Variants in PLXNA4 observed in about 807,000 individuals in gnomAD.
PLXNA4 encodes plexin-A4.
A neutral mutation model predicts 191.8 loss-of-function variants in PLXNA4; 44 were observed. That is an observed-to-expected ratio of 0.23 (90% confidence interval 0.18 to 0.29). The LOEUF (loss-of-function observed/expected upper bound fraction) is 0.29. Among genes scored for constraint, PLXNA4 ranks in the 10% least tolerant of loss-of-function variants. The pLI is 1.00. For missense variants in PLXNA4, 1,800 were observed against 2,488.8 expected, an observed-to-expected ratio of 0.72 and a Z score of 5.89; for synonymous variants, 1,082 against 1,009.5, an observed-to-expected ratio of 1.07 and a Z score of -1.36.
At chr7:132,207,922 T>G (rs2116887631) in intron 10 of PLXNA4, among the ~76,000 whole-genome samples, 1 of 152,364 alleles carries the variant, frequency 6.6e-6, no homozygotes, top group South Asian at 2.1e-4. Flanking sequence ...GTTATGAAAC[T>G]GGATTCAAGT....
At chr7:132,550,076 G>C (rs1424867668) in intron 1 of PLXNA4, among the ~76,000 whole-genome samples, 1 of 152,146 alleles carries the variant, frequency 6.6e-6, no homozygotes, top group African/African-American at 2.4e-5. Context: ...TGTTCTGTGG[G>C]TTCTATAAGG....
At chr7:132,220,172 AG>A (rs1366714899) in intron 9 of PLXNA4, among the ~76,000 whole-genome samples, 1 of 152,244 alleles carries the variant, frequency 6.6e-6, no homozygotes, top group Admixed American at 6.5e-5. Flanking sequence ...TTGAGTTCTG[AG>A]GACAATGACC....
At chr7:132,206,676 C>T (rs942468806) in intron 10 of PLXNA4, among the ~76,000 whole-genome samples, 1 of 152,068 alleles carries the variant, frequency 6.6e-6, no homozygotes, top group South Asian at 2.1e-4. Context: ...GAGGCTCTCT[C>T]TCCTGTGGAT....
rs2116734238 is a variant in PLXNA4, at chr7:132,179,977, ACAGT to A, written c.3640-60_3640-57del. ...GTGTGGGGACGCAGCAGCTTTGGCA[ACAGT>A]CCCAAGTTACCCATGAACTAGTGAC... On this transcript the variant is annotated intron_variant, in intron 19 of 31. Transcript: ENST00000321063. 6 of 1,534,840 alleles carry A rather than the reference ACAGT, an allele frequency of 3.9e-6. No homozygotes were observed. In the South Asian group the frequency reaches 7.2e-5, roughly 19 times the overall value.
chr7:132,337,336 A>T, intron 3 of PLXNA4, among the ~76,000 whole-genome samples: 1 of 152,234 alleles, frequency 6.6e-6, no homozygotes, highest in East Asian at 1.9e-4. Context: ...ATGTCCACAC[A>T]TGTCCCCTGG....
chr7:132,182,796 A>C (rs554218590), intron 16 of PLXNA4, among the ~76,000 whole-genome samples: 10 of 152,314 alleles, frequency 6.6e-5, no homozygotes, highest in African/African-American at 1.9e-4. Context: ...CTGGGGTGGC[A>C]CAGGACCACT....
At chr7:132,422,797 T>TA (rs1341260294) in intron 3 of PLXNA4, among the ~76,000 whole-genome samples, 1 of 152,130 alleles carries the variant, frequency 6.6e-6, no homozygotes, top group Admixed American at 6.5e-5. Flanking sequence ...ATAATATCCC[T>TA]ATAAAGGGGG....
intron 5 of PLXNA4, among the ~76,000 whole-genome samples, chr7:132,234,299 G>A (rs1365855971): frequency 6.6e-6 from 1 of 152,134 alleles, no homozygotes; most frequent in Non-Finnish European, 1.5e-5. Flanking sequence ...GTCCATTAAC[G>A]TCACCAAGTC....
At chr7:132,355,872 G>A (rs1402511469) in intron 3 of PLXNA4, among the ~76,000 whole-genome samples, 2 of 152,086 alleles carry the variant, frequency 1.3e-5, no homozygotes, top group Non-Finnish European at 2.9e-5. Context: ...AGTGTACGAG[G>A]AGGTAGGAAG....
At chr7:132,228,537 G>A (rs1305993798) in intron 5 of PLXNA4, 68 bp from the exon 6 acceptor site, 1 of 1,591,204 alleles carries the variant, frequency 6.3e-7, no homozygotes, top group African/African-American at 1.3e-5. Context: ...CGGATGCTGA[G>A]GTCAGGTGTT....
chr7:132,421,277 T>C (rs1287102746), intron 3 of PLXNA4, among the ~76,000 whole-genome samples: 2 of 152,200 alleles, frequency 1.3e-5, no homozygotes, highest in African/African-American at 2.4e-5. Flanking sequence ...AGAATGTCCT[T>C]CTTTTTAAAG....
chr7:132,164,399 G>A (rs897867333), intron 23 of PLXNA4, 111 bp from the exon 24 acceptor site: 3 of 1,448,610 alleles, frequency 2.1e-6, no homozygotes, highest in African/African-American at 2.8e-5. Flanking sequence ...CCCTGCACCT[G>A]CCCCCACCTG....
At chr7:132,603,868 T>A (rs1487037602) in intron 2 of PLXNA4, among the ~76,000 whole-genome samples, 1 of 151,036 alleles carries the variant, frequency 6.6e-6, no homozygotes, top group African/African-American at 2.4e-5. Flanking sequence ...CTTGAGCAAA[T>A]CACTTAATTT....
In PLXNA4 at chr7:132,298,217, C is replaced by A. The variant is rs1801176911; in HGVS notation, c.1377G>T (p.Arg459=). 6.2e-7 allele frequency: 1 copy of A among 1,612,312 alleles called. No individual in the cohort carries two copies. Among genetic ancestry groups the A allele is most frequent in the East Asian group, 2.2e-5 (1 of 44,858 alleles). Residue 459 remains arginine, a synonymous_variant, in exon 4 of 32, where the codon CGG becomes CGT. Coordinates refer to ENST00000321063, the MANE Select transcript of PLXNA4 (RefSeq NM_020911.2). ...GTKSGKLKKI[R]VDGPRGNALQ... ...GGGCGTTGCCCCTGGGTCCATCCAC[C>A]CGGATCTGTGGAGAAGAAGAGGAGA...
chr7:132,174,901 C>T lies in PLXNA4; in HGVS notation c.3894G>A (p.Thr1298=), dbSNP rs779877733. The T allele has an allele frequency of 1.2e-5, 20 of 1,613,944 alleles. No homozygotes were observed. The highest frequency in any genetic ancestry group is 1.5e-5 in the Non-Finnish European group (18 of 1,179,952). The change falls in exon 21 of 32, where the codon ACG becomes ACA. Residue 1298 remains threonine, a synonymous_variant. Transcript: ENST00000321063. ...GGTCACTGGTCAGCTCATGGATGTC[C>T]GTCTGCAGCTCGGCAAAGGCTGGCA... ...ECKEAFAELQ[T]DIHELTSDLD...
At chr7:132,357,006 G>A (rs1019729709) in intron 3 of PLXNA4, among the ~76,000 whole-genome samples, 2 of 152,156 alleles carry the variant, frequency 1.3e-5, no homozygotes, top group African/African-American at 4.8e-5. Flanking sequence ...TGTTTCCAAA[G>A]GGCTTCAACG....
chr7:132,133,846 C>G (rs772506865), intron 30 of PLXNA4, among the ~76,000 whole-genome samples: 1 of 152,204 alleles, frequency 6.6e-6, no homozygotes, highest in Admixed American at 6.5e-5. Flanking sequence ...TAATGAGGAA[C>G]TGAAAGGCCT....
intron 3 of PLXNA4, among the ~76,000 whole-genome samples, chr7:132,446,464 AG>A (rs968802381): frequency 2.0e-4 from 30 of 152,186 alleles, no homozygotes; most frequent in Admixed American, 7.9e-4. Flanking sequence ...ATTCCACTGG[AG>A]GAGCCCAGAG....
chr7:132,227,496 A>G lies in PLXNA4; in HGVS notation c.1837T>C (p.Tyr613His). ...GLVVGNQIQCYSPAAKEVPRI... is the reference protein window; with the variant it reads ...GLVVGNQIQCHSPAAKEVPRI... ...GGCACCTCCTTGGCTGCAGGGGAGT[A>G]GCACTGGATCTGATTGCCCACGACC... Residue 613 changes from tyrosine (Y) to histidine (H), a missense_variant, in exon 7 of 32, where the codon TAC becomes CAC. This residue lies in a region of PLXNA4 where 1,397 missense variants were observed against 1,880.4 expected (regional missense o/e 0.74). Coordinates refer to ENST00000321063, the MANE Select transcript of PLXNA4 (RefSeq NM_020911.2). 6.2e-7 allele frequency: 1 copy of G among 1,614,194 alleles called. No individual in the cohort carries two copies. The highest frequency in any genetic ancestry group is 8.5e-7 in the Non-Finnish European group (1 of 1,180,042).
Sources: gnomAD v4.1 joint callset for allele counts (sites outside exome capture counted in the v4.1 genomes callset) on GRCh38, gnomAD v4.1.1 for gene constraint, gnomAD v4.1.1 regional missense constraint, MANE v1.5 for transcripts, NCBI Gene and HGNC (gene_info 2026-07-23, HGNC 2026-07-21) for gene names.